Variants in SAMSN1 observed in about 807,000 individuals in gnomAD.
The protein encoded by SAMSN1 is SAM domain-containing protein SAMSN-1.
SAMSN1 carries 31 observed loss-of-function variants against 42.0 expected under a neutral mutation model. That is an observed-to-expected ratio of 0.74 (90% CI 0.55 to 1.00). SAMSN1 has a LOEUF of 1.00. SAMSN1 is among the 50% of genes least tolerant of loss of function. The pLI is 0.00. For synonymous variants in SAMSN1, 178 were observed against 151.9 expected (o/e 1.17, Z -1.26); for missense variants, 464 against 439.4 (o/e 1.06, Z -0.50).
intron 2 of SAMSN1, 152 bp downstream of exon 2, chr21:14,520,998 A>G (rs1978428123): frequency 3.2e-6 from 2 of 615,494 alleles, no homozygotes; most frequent in African/African-American, 1.9e-5. Flanking sequence ...GTACTAAATA[A>G]TGGTTTGTTC....
At chr21:14,650,235 T>C (rs1177610260) in intron 1 of SAMSN1, among the ~76,000 whole-genome samples, 1 of 152,170 alleles carries the variant, frequency 6.6e-6, no homozygotes, top group Non-Finnish European at 1.5e-5. Flanking sequence ...AGCTGCAGAA[T>C]ACTCATTCTT....
intron 2 of SAMSN1, among the ~76,000 whole-genome samples, chr21:14,561,112 T>C (rs1023261841): frequency 1.3e-5 from 2 of 152,132 alleles, no homozygotes; most frequent in Admixed American, 6.6e-5. Flanking sequence ...AACATCACTA[T>C]TGTAGAATCT....
intron 4 of SAMSN1, among the ~76,000 whole-genome samples, chr21:14,611,152 T>A (rs1409925582): frequency 6.6e-6 from 1 of 152,116 alleles, no homozygotes; most frequent in East Asian, 1.9e-4. Flanking sequence ...CCTGAAAAGG[T>A]TAAACTATCC....
intron 2 of SAMSN1, among the ~76,000 whole-genome samples, chr21:14,629,159 A>G (rs1983257725): frequency 1.3e-5 from 2 of 152,218 alleles, no homozygotes; most frequent in South Asian, 4.1e-4. Context: ...AGAGAAATGT[A>G]ATACCACATG....
chr21:14,608,724 G>A (rs1568829095), intron 5 of SAMSN1, among the ~76,000 whole-genome samples: 1 of 152,236 alleles, frequency 6.6e-6, no homozygotes, highest in Non-Finnish European at 1.5e-5. Context: ...TTGTCTTGCA[G>A]CCACAGTAGA....
At position 14,500,666 on chromosome 21, in the gene SAMSN1, C is replaced by T. The variant is rs1469261896; in HGVS notation, c.631G>A (p.Val211Met). The change falls in exon 6 of 8, where the codon GTG becomes ATG. Residue 211 changes from valine (V) to methionine (M), a missense_variant. By Grantham distance (21) the Val-to-Met change is conservative. Transcript: ENST00000400566. ...ACATAAATGAATTTGAAGTTTCCCA[C>T]TTTATTGTTCAACATTCCTGTCCAC... ...GMWTGMLNNK[V>M]GNFKFIYVDV... is the part of the protein sequence containing the mutation. The T allele has an allele frequency of 6.2e-7, 1 of 1,614,004 alleles. No individual in the cohort carries two copies. The highest frequency in any genetic ancestry group is 8.5e-7 in the Non-Finnish European group (1 of 1,180,004).
intron 1 of SAMSN1, among the ~76,000 whole-genome samples, chr21:14,542,072 T>A (rs1980079962): frequency 6.6e-6 from 1 of 152,032 alleles, no homozygotes; most frequent in Non-Finnish European, 1.5e-5. Context: ...GGTGTTGACA[T>A]GTGTGTGGAC....
At chr21:14,494,589 G>A (rs966708934) in intron 7 of SAMSN1, among the ~76,000 whole-genome samples, 1 of 151,988 alleles carries the variant, frequency 6.6e-6, no homozygotes, top group African/African-American at 2.4e-5. Context: ...GATAGCATTA[G>A]GAGAAATACC....
chr21:14,613,232 A>T (rs1192028727), intron 3 of SAMSN1, among the ~76,000 whole-genome samples: 1 of 152,204 alleles, frequency 6.6e-6, no homozygotes, highest in African/African-American at 2.4e-5. Context: ...TTGCAAATAA[A>T]TATGTCAATA....
chr21:14,609,497 G>T (rs929671940), exon 5 of SAMSN1: 3 of 717,968 alleles, frequency 4.2e-6, no homozygotes, highest in East Asian at 2.7e-5. Flanking sequence ...AGCTGACAGG[G>T]CCTTCTGATG....
At chr21:14,581,210 A>T (rs1274321081) in intron 2 of SAMSN1, among the ~76,000 whole-genome samples, 1 of 152,026 alleles carries the variant, frequency 6.6e-6, no homozygotes, top group Non-Finnish European at 1.5e-5. Context: ...AGCTAAAAGC[A>T]GGAGCTCTAG....
Position 14,539,831 on chromosome 21 carries a change from G to A in SAMSN1, c.57+6374C>T, listed in dbSNP as rs548786113. Among the ~76,000 whole-genome samples the A allele has an allele frequency of 8.6e-4, 131 of 152,196 alleles. 1 individual carries two copies. Among genetic ancestry groups the A allele is most frequent in the African/African-American group, 2.8e-3 (117 of 41,520 alleles). On this transcript the variant is annotated intron_variant, in intron 1 of 7. Transcript: ENST00000400566. ...ATGCAACCAAAAAAGAGCCCGCATC[G>A]CCAAGTCAATCCTAAGCCAGAAGAA... is the stretch of plus-strand genomic sequence containing the variant.
chr21:14,619,736 G>T, intron 2 of SAMSN1: 1 of 258,514 alleles, frequency 3.9e-6, no homozygotes, highest in Non-Finnish European at 8.6e-6. Flanking sequence ...AAAGTTTTAT[G>T]TGGCATAAAC....
Position 14,486,063 on chromosome 21 carries a change from A to C in SAMSN1, c.971T>G (p.Ile324Ser). The C allele has an allele frequency of 3.7e-6, 6 of 1,613,720 alleles. No homozygotes were observed. The highest frequency in any genetic ancestry group is 4.2e-6 in the Non-Finnish European group (5 of 1,179,760). The change falls in exon 8 of 8, where the codon ATC (isoleucine) becomes AGC (serine). Residue 324 changes from isoleucine (I) to serine (S), a missense_variant. Coordinates refer to ENST00000400566, the MANE Select transcript of SAMSN1 (RefSeq NM_022136.5). ...ATCTAACTGTGACTTATTTAAGGAG[A>C]TGTCTGAGCTCAAGGATAGGGGCTC... ...EPEPLSLSSD[I>S]SLNKSQLDDC...
intron 2 of SAMSN1, among the ~76,000 whole-genome samples, chr21:14,575,391 A>G (rs966303800): frequency 4.6e-5 from 7 of 152,282 alleles, no homozygotes; most frequent in African/African-American, 1.7e-4. Flanking sequence ...GAGTATAGAT[A>G]TGTTTTGGCA....
chr21:14,557,403 C>A (rs957816250), intron 2 of SAMSN1, among the ~76,000 whole-genome samples: 1 of 152,140 alleles, frequency 6.6e-6, no homozygotes, highest in Non-Finnish European at 1.5e-5. Flanking sequence ...CCTTCAGGGA[C>A]AAAGGTAGAA....
At chr21:14,585,189 T>C (rs1461684245), upstream of SAMSN1, among the ~76,000 whole-genome samples, 1 of 152,240 alleles carries the variant, frequency 6.6e-6, no homozygotes, top group Non-Finnish European at 1.5e-5. Flanking sequence ...TTTTTTGTAT[T>C]ATTTCTCAGT....
intron 3 of SAMSN1, among the ~76,000 whole-genome samples, chr21:14,515,971 A>T (rs1568780268): frequency 6.6e-6 from 1 of 152,226 alleles, no homozygotes; most frequent in African/African-American, 2.4e-5. Context: ...TCCACCTCAC[A>T]TCCACTAGGA....
intron 2 of SAMSN1, among the ~76,000 whole-genome samples, chr21:14,557,839 T>C (rs905335473): frequency 1.3e-5 from 2 of 152,202 alleles, no homozygotes; most frequent in Non-Finnish European, 2.9e-5. Context: ...TGTCCTGGGA[T>C]TTTGCTCAAG....
Sources: allele counts gnomAD v4.1 joint callset (sites outside exome capture counted in the v4.1 genomes callset), GRCh38; gene constraint gnomAD v4.1.1; transcripts MANE v1.5; gene names NCBI Gene and HGNC (gene_info 2026-07-23, HGNC 2026-07-21).